Variants in PELI2 observed in about 807,000 individuals in gnomAD.
The protein encoded by PELI2 is pellino E3 ubiquitin protein ligase family member 2, also known as E3 ubiquitin-protein ligase pellino homolog 2.
Under a neutral mutation model 42.3 loss-of-function variants are expected in PELI2, and 23 were observed. That is an observed-to-expected ratio of 0.54 (90% CI 0.39 to 0.77). The LOEUF (loss-of-function observed/expected upper bound fraction) is 0.77. Among genes scored for constraint, PELI2 ranks in the 30% least tolerant of loss-of-function variants. The pLI is 0.00. For missense variants in PELI2, 463 were observed against 553.2 expected, an observed-to-expected ratio of 0.84 and a Z score of 1.64; for synonymous variants, 245 against 212.2, an observed-to-expected ratio of 1.15 and a Z score of -1.34.
At chr14:56,235,289 A>T (rs1887749641) in intron 2 of PELI2, among the ~76,000 whole-genome samples, 1 of 152,234 alleles carries the variant, frequency 6.6e-6, no homozygotes, top group Non-Finnish European at 1.5e-5. Flanking sequence ...CAAAGGCCTA[A>T]AGAAAAAAGA....
In PELI2 at chr14:56,290,539, T is replaced by A; in HGVS notation, c.696+83T>A. The A allele has an allele frequency of 2.8e-6, 3 of 1,068,676 alleles. No individual in the cohort carries two copies. The African/African-American group carries it at 4.7e-5, about 17-fold the overall frequency. 66.2% of individuals were successfully genotyped at this position (1,068,676 alleles called of 1,614,324 possible). A position where few individuals can be genotyped will look rare whatever the true frequency, so the allele number is the denominator to read the frequency against. On this transcript the variant is annotated intron_variant, in intron 5 of 5. Transcript: ENST00000267460. ...GGCTATCATTTTCCTCCCCTGATGTTCAGAACCTTTGTGCAGGTCCAAGCG... is the reference window on the plus strand; with the variant it reads ...GGCTATCATTTTCCTCCCCTGATGTACAGAACCTTTGTGCAGGTCCAAGCG...
At chr14:56,119,668 G>T in intron 1 of PELI2, 4 of 626,920 alleles carry the variant, frequency 6.4e-6, no homozygotes, top group Non-Finnish European at 8.0e-6. Context: ...GGCTTTGCGG[G>T]CTTAAAACTG....
rs1305660263 is a variant in PELI2 at position 56,296,739 on chromosome 14, C to G, written c.836C>G (p.Ala279Gly). The change falls in exon 6 of 6, where the codon GCC (alanine) becomes GGC (glycine). Residue 279 changes from alanine (A) to glycine (G), a missense_variant. Around this residue, in one of 3 missense-constraint regions of PELI2, gnomAD observed 343 missense variants for 378.4 expected, o/e 0.91. Coordinates refer to ENST00000267460, the MANE Select transcript of PELI2 (RefSeq NM_021255.3). ...HIEALRQEIN[A>G]ARPQCPVGLN... ...GAAGCCCTCCGGCAGGAGATTAACG[C>G]CGCCCGGCCTCAGTGTCCTGTGGGG... 3.1e-6 allele frequency: 5 copies of G among 1,614,130 alleles called. No individual in the cohort carries two copies. In the East Asian group the frequency reaches 1.1e-4, roughly 36 times the overall value.
chr14:56,139,759 G>C (rs1406797125), intron 1 of PELI2, among the ~76,000 whole-genome samples: 2 of 151,858 alleles, frequency 1.3e-5, no homozygotes, highest in African/African-American at 2.4e-5. Context: ...TAGCACAGAT[G>C]AAAGAAAAAC....
chr14:56,232,105 T>G (rs36158476), intron 2 of PELI2, among the ~76,000 whole-genome samples: 1 of 151,744 alleles, frequency 6.6e-6, no homozygotes, highest in Non-Finnish European at 1.5e-5. Flanking sequence ...TCTGAAATCG[T>G]GGCAATAATT....
rs1887833420 is a variant in PELI2, at chr14:56,237,320, A to G, written c.208-42356A>G. The stretch of plus-strand genomic sequence containing the variant: ...TATTTATTTAGCCTGTCTGCTTTCC[A>G]CTACAGGGGCTAGGAAGATTCACAG... On this transcript the variant is annotated intron_variant, in intron 2 of 5. Coordinates refer to ENST00000267460, the MANE Select transcript of PELI2 (RefSeq NM_021255.3). Among the ~76,000 whole-genome samples the G allele has an allele frequency of 2.0e-5, 3 of 152,166 alleles. No individual in the cohort carries two copies. In the South Asian group the frequency reaches 6.2e-4, roughly 32 times the overall value.
At chr14:56,289,788 G>A (rs540246926) in intron 4 of PELI2, among the ~76,000 whole-genome samples, 6 of 152,276 alleles carry the variant, frequency 3.9e-5, no homozygotes, top group Non-Finnish European at 7.4e-5. Context: ...TAATGACCCC[G>A]ACTTGTTGGC....
At chr14:56,221,781 CCTT>C (rs1195688479) in intron 2 of PELI2, among the ~76,000 whole-genome samples, 1 of 152,170 alleles carries the variant, frequency 6.6e-6, no homozygotes, top group Non-Finnish European at 1.5e-5. Context: ...TTTATTTTAA[CCTT>C]CTTTTGCATG....
intron 1 of PELI2, among the ~76,000 whole-genome samples, chr14:56,124,692 T>G (rs1349087425): frequency 6.6e-6 from 1 of 152,172 alleles, no homozygotes; most frequent in East Asian, 1.9e-4. Context: ...CTGGAAGACC[T>G]GAAGGCTGGG....
chr14:56,207,165 A>G (rs182167160), intron 2 of PELI2, among the ~76,000 whole-genome samples: 1 of 152,322 alleles, frequency 6.6e-6, no homozygotes, highest in East Asian at 1.9e-4. Context: ...CTAGATTACT[A>G]GTATTAATAA....
chr14:56,146,080 G>A (rs1595554969), intron 1 of PELI2, among the ~76,000 whole-genome samples: 1 of 152,184 alleles, frequency 6.6e-6, no homozygotes, highest in East Asian at 1.9e-4. Flanking sequence ...ACAAAATATT[G>A]TATTGACTCA....
chr14:56,155,721 A>G (rs1884537923), intron 1 of PELI2, among the ~76,000 whole-genome samples: 1 of 151,050 alleles, frequency 6.6e-6, no homozygotes. Flanking sequence ...AGCTGGCACT[A>G]CAGGCGCTCG....
rs79962409 is a variant in PELI2, at chr14:56,295,468, G to A, written c.697-1132G>A. Among the ~76,000 whole-genome samples the A allele has an allele frequency of 5.0e-4, 76 of 152,140 alleles. 1 individual carries two copies. The highest frequency in any genetic ancestry group is 1.8e-3 in the African/African-American group (73 of 41,484). On this transcript the variant is annotated intron_variant, in intron 5 of 5. Coordinates refer to ENST00000267460, the MANE Select transcript of PELI2 (RefSeq NM_021255.3). The stretch of plus-strand genomic sequence containing the variant: ...TTGGCCTCTCCTCCTTCTCCCTGCT[G>A]TGCCTTCCTGCTATCCTCCCTACTG...
intron 2 of PELI2, among the ~76,000 whole-genome samples, chr14:56,242,994 T>C (rs767288244): frequency 7.2e-5 from 11 of 152,214 alleles, no homozygotes; most frequent in Non-Finnish European, 1.5e-4. Flanking sequence ...CCCCAAAAAC[T>C]ATTGAAGCTG....
chr14:56,254,187 T>A (rs1046066520), intron 2 of PELI2, among the ~76,000 whole-genome samples: 7 of 152,036 alleles, frequency 4.6e-5, no homozygotes, highest in Admixed American at 2.6e-4. Flanking sequence ...GATCACGAGG[T>A]CAAGAGATCA....
At chr14:56,230,527 A>G (rs575031975) in intron 2 of PELI2, among the ~76,000 whole-genome samples, 1 of 152,282 alleles carries the variant, frequency 6.6e-6, no homozygotes, top group South Asian at 2.1e-4. Context: ...GAGAAATAAA[A>G]TCCTTTACAC....
chr14:56,150,570 T>A (rs1329243512), intron 1 of PELI2, among the ~76,000 whole-genome samples: 2 of 152,146 alleles, frequency 1.3e-5, no homozygotes, highest in African/African-American at 2.4e-5. Flanking sequence ...TAACTAAGAA[T>A]GTTTAAGTAT....
chr14:56,242,745 C>T (rs1041946376), intron 2 of PELI2, among the ~76,000 whole-genome samples: 2 of 152,180 alleles, frequency 1.3e-5, no homozygotes, highest in Non-Finnish European at 2.9e-5. Flanking sequence ...AGTGAAGTAA[C>T]TCAGGAATGG....
Position 56,243,431 on chromosome 14 carries a change from G to A in PELI2, c.208-36245G>A, listed in dbSNP as rs193165403. Among the ~76,000 whole-genome samples, 4 of 152,272 alleles carry A rather than the reference G, an allele frequency of 2.6e-5. No homozygotes were observed. The East Asian group carries it at 5.8e-4, about 22-fold the overall frequency. On this transcript the variant is annotated intron_variant, in intron 2 of 5. Transcript: ENST00000267460. The stretch of plus-strand genomic sequence containing the variant: ...TGAGAGGGTTTAGAGCATGAGAAGC[G>A]CCTGGCCCCAGTTCCTGGCACTTTG...
Sources: allele counts gnomAD v4.1 joint callset (sites outside exome capture counted in the v4.1 genomes callset), GRCh38; gene constraint gnomAD v4.1.1; regional missense constraint gnomAD v4.1.1; transcripts MANE v1.5; gene names NCBI Gene and HGNC (gene_info 2026-07-23, HGNC 2026-07-21).